The following TNIK variants were observed in gnomAD, a reference collection of about 807,000 sequenced individuals.
TNIK encodes the protein TRAF2 and NCK interacting kinase.
TNIK carries 49 observed loss-of-function variants against 191.3 expected under a neutral mutation model. That is an observed-to-expected ratio of 0.26 (90% confidence interval 0.20 to 0.32). TNIK has a LOEUF of 0.32. Among genes scored for constraint, TNIK ranks in the 10% least tolerant of loss-of-function variants. The pLI, the probability that TNIK is intolerant of heterozygous loss-of-function variation, is 1.00. For synonymous variants in TNIK, 594 were observed against 600.9 expected (o/e 0.99, Z 0.17); for missense variants, 1,155 against 1,702.3 (o/e 0.68, Z 5.66).
At chr3:171,181,166 G>C (rs780753881) in intron 7 of TNIK, among the ~76,000 whole-genome samples, 9 of 152,224 alleles carry the variant, frequency 5.9e-5, no homozygotes, top group Non-Finnish European at 1.2e-4. Context: ...AAGACAGGCA[G>C]ATCCGAATTC....
chr3:171,288,614 C>T (rs868395746), intron 2 of TNIK, among the ~76,000 whole-genome samples: 11 of 151,974 alleles, frequency 7.2e-5, no homozygotes, highest in Admixed American at 6.6e-5. Context: ...CAAGACCATC[C>T]TGGCTAACAT....
rs918731339 is a variant in TNIK at position 171,066,662 on chromosome 3, T to G, written c.3773A>C (p.Tyr1258Ser). ...KTDGMEMLVC[Y>S]EDEGVYVNTY... Reference sequence around the variant, plus strand: ...GTTTACATACACCCCCTCATCCTCATAGCAAACAAGCATTTCCATTCCATC... The same window carrying G: ...GTTTACATACACCCCCTCATCCTCAGAGCAAACAAGCATTTCCATTCCATC... The change falls in exon 31 of 33, where the codon TAT becomes TCT. Residue 1258 changes from tyrosine to serine, a missense_variant. Tyr to Ser is a moderately radical substitution (Grantham distance 144). This residue lies in a region of TNIK where 195 missense variants were observed against 415.4 expected (regional missense o/e 0.47). Coordinates refer to ENST00000436636, the MANE Select transcript of TNIK (RefSeq NM_015028.4). 6.2e-7 allele frequency: 1 copy of G among 1,613,858 alleles called. No homozygotes were observed. Among genetic ancestry groups the G allele is most frequent in the Non-Finnish European group, 8.5e-7 (1 of 1,179,860 alleles).
At chr3:171,387,944 C>A (rs191727020) in intron 1 of TNIK, among the ~76,000 whole-genome samples, 256 of 144,942 alleles carry the variant, frequency 1.8e-3, no homozygotes, top group African/African-American at 6.5e-3. Context: ...GAAATAATGA[C>A]TGTACTATCA....
At chr3:171,186,656 C>T (rs951464385) in intron 7 of TNIK, among the ~76,000 whole-genome samples, 3 of 152,122 alleles carry the variant, frequency 2.0e-5, no homozygotes, top group African/African-American at 7.2e-5. Context: ...ACCATTGAAC[C>T]TATTCTATCA....
chr3:171,185,223 G>C (rs1209749675), intron 7 of TNIK, among the ~76,000 whole-genome samples: 1 of 150,486 alleles, frequency 6.6e-6, no homozygotes, highest in African/African-American at 2.5e-5. Context: ...GTGTCTATGG[G>C]GTGGGAGGGG....
chr3:171,316,932 ATAATTATATGATATATAT>A (rs1754671450), intron 2 of TNIK, among the ~76,000 whole-genome samples: 1 of 96,464 alleles, frequency 1.0e-5, no homozygotes, highest in South Asian at 3.5e-4. Context: ...TATAAAATAT[ATAATTATATGATATATAT>A]CATATAAAAT....
intron 1 of TNIK, among the ~76,000 whole-genome samples, chr3:171,384,390 A>T (rs907494998): frequency 6.6e-6 from 1 of 152,352 alleles, no homozygotes; most frequent in East Asian, 1.9e-4. Context: ...GACTGCACCC[A>T]TGACCATCCA....
At chr3:171,162,283 G>A (rs1734095457) in intron 10 of TNIK, among the ~76,000 whole-genome samples, 1 of 151,966 alleles carries the variant, frequency 6.6e-6, no homozygotes, top group Admixed American at 6.6e-5. Flanking sequence ...AATTAGCTGG[G>A]CGTGGTTACA....
intron 18 of TNIK, among the ~76,000 whole-genome samples, chr3:171,112,685 G>GTT (rs57806036): frequency 2.7e-5 from 4 of 148,800 alleles, no homozygotes; most frequent in African/African-American, 9.8e-5. Context: ...TGCATATTCA[G>GTT]TTTTTTTTTT....
chr3:171,285,290 A>G (rs774222559), intron 2 of TNIK, among the ~76,000 whole-genome samples: 6 of 152,244 alleles, frequency 3.9e-5, no homozygotes, highest in Non-Finnish European at 8.8e-5. Flanking sequence ...GACTGGAACA[A>G]ACACATCAGC....
chr3:171,285,024 T>C (rs1037873859), intron 2 of TNIK, among the ~76,000 whole-genome samples: 1 of 152,200 alleles, frequency 6.6e-6, no homozygotes, highest in African/African-American at 2.4e-5. Flanking sequence ...CTTCTTTCCT[T>C]GAGAACTAAG....
In TNIK at chr3:171,360,043, G is replaced by A. The variant is rs189121200; in HGVS notation, c.123+9577C>T. Among the ~76,000 whole-genome samples, 25 of 152,236 alleles carry A rather than the reference G, an allele frequency of 1.6e-4. No homozygotes were observed. The East Asian group carries it at 4.6e-3, about 28-fold the overall frequency. On this transcript the variant is annotated intron_variant, in intron 2 of 32. Transcript: ENST00000436636. ...GCAACTCATTGATACAATATGAGGTGGAATGAAAGTATTTTGGACTAAAGC... is the reference window on the plus strand; with the variant it reads ...GCAACTCATTGATACAATATGAGGTAGAATGAAAGTATTTTGGACTAAAGC...
intron 2 of TNIK, among the ~76,000 whole-genome samples, chr3:171,242,843 T>G (rs1745148972): frequency 1.3e-5 from 2 of 152,194 alleles, no homozygotes. Context: ...ATATGATGCT[T>G]TAAAAGATTG....
Position 171,272,854 on chromosome 3 carries a change from C to T in TNIK, c.124-44633G>A, listed in dbSNP as rs1348546686. 3.3e-5 allele frequency among the ~76,000 whole-genome samples: 5 copies of T among 152,322 alleles called. No homozygotes were observed. In the Middle Eastern group the frequency reaches 0.01, roughly 311 times the overall value. ...ATCTCCATTTTCTTAGTGTCAGTCACTGGCACTTTATTTTGTCCCTTGGGT... is the reference window on the plus strand; with the variant it reads ...ATCTCCATTTTCTTAGTGTCAGTCATTGGCACTTTATTTTGTCCCTTGGGT... On this transcript the variant is annotated intron_variant, in intron 2 of 32. Transcript: ENST00000436636.
chr3:171,065,291 C>T (rs1718289044), intron 32 of TNIK, among the ~76,000 whole-genome samples: 1 of 152,202 alleles, frequency 6.6e-6, no homozygotes, highest in Admixed American at 6.5e-5. Flanking sequence ...TCCACCCAGA[C>T]CACATCAGGT....
chr3:171,068,377 A>G (rs1718735802), intron 30 of TNIK, among the ~76,000 whole-genome samples: 1 of 152,192 alleles, frequency 6.6e-6, no homozygotes, highest in Admixed American at 6.5e-5. Flanking sequence ...AATACATGCT[A>G]GAGCCACTGT....
intron 13 of TNIK, 71 bp from the exon 14 acceptor site, chr3:171,139,627 G>T: frequency 1.4e-6 from 2 of 1,465,610 alleles, no homozygotes; most frequent in Non-Finnish European, 9.6e-7. Context: ...AATTTCAAAG[G>T]CGACAAGAGC....
intron 2 of TNIK, among the ~76,000 whole-genome samples, chr3:171,324,285 G>A (rs937780164): frequency 5.3e-5 from 8 of 152,132 alleles, no homozygotes; most frequent in African/African-American, 1.9e-4. Flanking sequence ...ACTGAACTCT[G>A]TGAGGACATT....
intron 2 of TNIK, among the ~76,000 whole-genome samples, chr3:171,353,631 T>G (rs1285447385): frequency 6.6e-6 from 1 of 152,116 alleles, no homozygotes; most frequent in Non-Finnish European, 1.5e-5. Flanking sequence ...CTACAAGAGA[T>G]GACTCAGGAT....
Sources: gnomAD v4.1 joint callset for allele counts (sites outside exome capture counted in the v4.1 genomes callset) on GRCh38, gnomAD v4.1.1 for gene constraint, gnomAD v4.1.1 regional missense constraint, MANE v1.5 for transcripts, NCBI Gene and HGNC (gene_info 2026-07-23, HGNC 2026-07-21) for gene names.